LUZP2: variants seen among roughly 807,000 people sequenced by gnomAD.
LUZP2 encodes leucine zipper protein 2.
Under a neutral mutation model 51.6 loss-of-function variants are expected in LUZP2, and 52 were observed. That is an observed-to-expected ratio of 1.01 (90% confidence interval 0.81 to 1.27). LUZP2 has a LOEUF of 1.27. LUZP2 is among the 50% of genes most tolerant of loss of function. The pLI, the probability that LUZP2 is intolerant of heterozygous loss-of-function variation, is 0.00. For missense variants in LUZP2, 436 were observed against 395.4 expected (o/e 1.10, Z -0.87); for synonymous variants, 154 against 137.3 (o/e 1.12, Z -0.85).
At chr11:24,866,912 T>C (rs552712551) in intron 5 of LUZP2, among the ~76,000 whole-genome samples, 12 of 152,118 alleles carry the variant, frequency 7.9e-5, no homozygotes, top group Non-Finnish European at 1.2e-4. Flanking sequence ...CGGTGGGAGA[T>C]GAGACTGGAG....
At chr11:24,935,359 A>G (rs1171629784) in intron 7 of LUZP2, among the ~76,000 whole-genome samples, 2 of 152,170 alleles carry the variant, frequency 1.3e-5, no homozygotes, top group Non-Finnish European at 2.9e-5. Context: ...GGCTACTGGT[A>G]TTTCAGTGAA....
chr11:25,007,572 C>T (rs561360076), intron 9 of LUZP2, among the ~76,000 whole-genome samples: 9 of 152,026 alleles, frequency 5.9e-5, no homozygotes, highest in Non-Finnish European at 1.3e-4. Flanking sequence ...CACTGTACTC[C>T]AGCCTGGGTA....
chr11:24,618,021 T>C (rs1403643092), intron 1 of LUZP2, among the ~76,000 whole-genome samples: 1 of 151,912 alleles, frequency 6.6e-6, no homozygotes, highest in Non-Finnish European at 1.5e-5. Flanking sequence ...GTGGAAGAGG[T>C]ACCAGTTTCC....
At chr11:24,901,878 T>A (rs1343782451) in intron 5 of LUZP2, among the ~76,000 whole-genome samples, 2 of 152,206 alleles carry the variant, frequency 1.3e-5, no homozygotes, top group African/African-American at 4.8e-5. Context: ...CTCCCTTATT[T>A]CAATAGCTTT....
intron 5 of LUZP2, among the ~76,000 whole-genome samples, chr11:24,874,116 T>A (rs965596870): frequency 9.9e-5 from 15 of 152,208 alleles, no homozygotes; most frequent in African/African-American, 3.6e-4. Flanking sequence ...AGCTTGTGTG[T>A]GCGTAAGACT....
chr11:24,864,078 A>C (rs1278785141), intron 5 of LUZP2, among the ~76,000 whole-genome samples: 1 of 152,140 alleles, frequency 6.6e-6, no homozygotes, highest in Admixed American at 6.6e-5. Context: ...ATTTCACTTT[A>C]ATTTCTCTAT....
rs899858851 is a variant in LUZP2 at position 24,554,610 on chromosome 11, T to A, written c.62+57305T>A. Among the ~76,000 whole-genome samples, 5 of 151,938 alleles carry A rather than the reference T, an allele frequency of 3.3e-5. No homozygotes were observed. The East Asian group carries it at 7.7e-4, about 23-fold the overall frequency. Reference sequence around the variant, plus strand: ...CATTTTTGTTAAAATGTTTCATGAGTGAATGATCATTATTGATTAATTATA... The same window carrying A: ...CATTTTTGTTAAAATGTTTCATGAGAGAATGATCATTATTGATTAATTATA... On this transcript the variant is annotated intron_variant, in intron 1 of 11. Coordinates refer to ENST00000336930, the MANE Select transcript of LUZP2 (RefSeq NM_001009909.4).
At chr11:24,646,668 C>T (rs529516663) in intron 1 of LUZP2, 51 of 860,400 alleles carry the variant, frequency 5.9e-5, no homozygotes, top group Non-Finnish European at 6.6e-5. Flanking sequence ...TTATTTCCCA[C>T]AACTCCCCAA....
intron 1 of LUZP2, among the ~76,000 whole-genome samples, chr11:24,503,740 T>C (rs1048984078): frequency 6.6e-6 from 1 of 152,188 alleles, no homozygotes; most frequent in East Asian, 1.9e-4. Context: ...AACCCAGAAC[T>C]TTCCACTATA....
At chr11:25,038,303 A>G (rs1857928345) in intron 9 of LUZP2, among the ~76,000 whole-genome samples, 1 of 152,144 alleles carries the variant, frequency 6.6e-6, no homozygotes, top group Admixed American at 6.6e-5. Context: ...TTCTACTGTT[A>G]ATACTTACAG....
intron 1 of LUZP2, among the ~76,000 whole-genome samples, chr11:24,637,156 TA>T (rs1434843701): frequency 1.3e-5 from 2 of 151,778 alleles, no homozygotes; most frequent in Non-Finnish European, 2.9e-5. Context: ...AAAAGCATTA[TA>T]AAATTGTTGT....
intron 4 of LUZP2, among the ~76,000 whole-genome samples, chr11:24,746,874 A>G (rs183616424): frequency 1.3e-5 from 2 of 152,204 alleles, no homozygotes; most frequent in Non-Finnish European, 2.9e-5. Flanking sequence ...TTGCATTTCT[A>G]TAAGTATGTC....
chr11:24,558,436 C>T lies in LUZP2; in HGVS notation c.62+61131C>T, dbSNP rs146879814. 1.7e-4 allele frequency among the ~76,000 whole-genome samples: 23 copies of T among 135,662 alleles called. No homozygotes were observed. The Admixed American group carries it at 1.8e-3, about 11-fold the overall frequency. 89.0% of individuals were successfully genotyped at this position (135,662 alleles called of 152,430 possible). The stretch of plus-strand genomic sequence containing the variant: ...ATCAGTTCTGTCTCTCTGGAGAACT[C>T]TGACTCAAACAGTTTTTAAACATTT... On this transcript the variant is annotated intron_variant, in intron 1 of 11. Transcript: ENST00000336930.
rs189486199 is a variant in LUZP2, at chr11:24,900,041, A to G, written c.397-5950A>G. 4.6e-5 allele frequency among the ~76,000 whole-genome samples: 7 copies of G among 152,262 alleles called. No homozygotes were observed. The South Asian group carries it at 8.3e-4, about 18-fold the overall frequency. ...ATCTTTGCCAATGATAGCTATGTCTATTGACTGATTTCCTCCTCCTTTGTC... is the reference window on the plus strand; with the variant it reads ...ATCTTTGCCAATGATAGCTATGTCTGTTGACTGATTTCCTCCTCCTTTGTC... On this transcript the variant is annotated intron_variant, in intron 5 of 11. Coordinates refer to ENST00000336930, the MANE Select transcript of LUZP2 (RefSeq NM_001009909.4).
At chr11:24,990,624 A>C (rs1018119413) in intron 9 of LUZP2, among the ~76,000 whole-genome samples, 8 of 152,102 alleles carry the variant, frequency 5.3e-5, no homozygotes, top group Admixed American at 3.9e-4. Context: ...TTCCATTAAA[A>C]CAGCAACTGG....
At chr11:24,625,641 T>A (rs189012494) in intron 1 of LUZP2, among the ~76,000 whole-genome samples, 1 of 151,718 alleles carries the variant, frequency 6.6e-6, no homozygotes, top group African/African-American at 2.4e-5. Context: ...TTTGCTGAGG[T>A]GAAGAAGAAA....
At chr11:24,584,080 T>A (rs556216943) in intron 1 of LUZP2, among the ~76,000 whole-genome samples, 1 of 152,130 alleles carries the variant, frequency 6.6e-6, no homozygotes, top group East Asian at 1.9e-4. Flanking sequence ...TATATCTATA[T>A]AGAGAGAATG....
chr11:24,994,863 A>G (rs531568673), intron 9 of LUZP2, among the ~76,000 whole-genome samples: 2 of 152,270 alleles, frequency 1.3e-5, no homozygotes, highest in African/African-American at 4.8e-5. Context: ...CATTTCATCT[A>G]CACTGCCATT....
chr11:24,583,039 A>G (rs1403943844), intron 1 of LUZP2, among the ~76,000 whole-genome samples: 1 of 152,128 alleles, frequency 6.6e-6, no homozygotes, highest in Non-Finnish European at 1.5e-5. Context: ...ATTTTTTTGT[A>G]GTCAACTCTT....
Sources: allele counts gnomAD v4.1 joint callset (sites outside exome capture counted in the v4.1 genomes callset), GRCh38; gene constraint gnomAD v4.1.1; transcripts MANE v1.5; gene names NCBI Gene and HGNC (gene_info 2026-07-23, HGNC 2026-07-21).